Variants in PRELID2 observed in about 807,000 individuals in gnomAD.
The protein encoded by PRELID2 is PRELI domain containing 2, also known as PRELI domain-containing protein 2.
Under a neutral mutation model 28.4 loss-of-function variants are expected in PRELID2, and 25 were observed. The ratio of observed to expected loss-of-function variants is 0.88; its 90% CI spans 0.64 to 1.23. PRELID2 has a LOEUF of 1.23. Ranked by LOEUF, PRELID2 falls within the 50% of genes most tolerant of loss-of-function variation. PRELID2 has a pLI of 0.00. For missense variants in PRELID2, 201 were observed against 214.4 expected (o/e 0.94, Z 0.39); for synonymous variants, 76 against 71.6 (o/e 1.06, Z -0.31).
At chr5:145,585,890 C>G (rs1029586439) in intron 1 of PRELID2, among the ~76,000 whole-genome samples, 1 of 151,962 alleles carries the variant, frequency 6.6e-6, no homozygotes, top group Non-Finnish European at 1.5e-5. Flanking sequence ...ATGTGTGGAC[C>G]CCTCCTCTTT....
chr5:145,567,966 C>A (rs921218937), intron 1 of PRELID2, among the ~76,000 whole-genome samples: 1 of 152,154 alleles, frequency 6.6e-6, no homozygotes, highest in African/African-American at 2.4e-5. Flanking sequence ...GATATTTCAG[C>A]CTCTCATTTA....
the PRELID2 span, among the ~76,000 whole-genome samples, chr5:145,402,900 C>T: frequency 2.6e-5 from 4 of 152,088 alleles, no homozygotes; most frequent in African/African-American, 7.2e-5. Flanking sequence ...TTCAAAATGA[C>T]CTTGCTGAGC....
chr5:145,367,609 T>C, the PRELID2 span, among the ~76,000 whole-genome samples: 2 of 151,966 alleles, frequency 1.3e-5, no homozygotes, highest in Admixed American at 6.6e-5. Flanking sequence ...GTTCAGCCAA[T>C]GCATCCTCCT....
the PRELID2 span, among the ~76,000 whole-genome samples, chr5:145,383,026 C>T: frequency 2.0e-5 from 3 of 151,652 alleles, no homozygotes; most frequent in Non-Finnish European, 4.4e-5. Flanking sequence ...GATTGAAAGA[C>T]TCAACATTGT....
chr5:145,623,958 G>T (rs1432514058), intron 1 of PRELID2, among the ~76,000 whole-genome samples: 1 of 152,056 alleles, frequency 6.6e-6, no homozygotes, highest in Non-Finnish European at 1.5e-5. Flanking sequence ...GTACCAAGTT[G>T]TCGCCAGTAC....
the PRELID2 span, among the ~76,000 whole-genome samples, chr5:145,237,390 A>G: frequency 3.3e-5 from 5 of 152,242 alleles, no homozygotes; most frequent in East Asian, 9.7e-4. Context: ...GGATAGCTAT[A>G]TATGCCTATG....
chr5:145,771,439 CAGGA>C (rs1179190645), intron 5 of PRELID2, among the ~76,000 whole-genome samples: 2 of 151,752 alleles, frequency 1.3e-5, no homozygotes, highest in Non-Finnish European at 2.9e-5. Flanking sequence ...ATTAATGTTG[CAGGA>C]AGGAAGGACT....
chr5:145,392,834 T>G, the PRELID2 span, among the ~76,000 whole-genome samples: 9 of 152,148 alleles, frequency 5.9e-5, no homozygotes, highest in Non-Finnish European at 1.3e-4. Flanking sequence ...TATTTAAATA[T>G]TCTCCTTTCC....
intron 1 of PRELID2, among the ~76,000 whole-genome samples, chr5:145,692,395 C>A (rs1455401647): frequency 6.6e-6 from 1 of 152,070 alleles, no homozygotes; most frequent in Non-Finnish European, 1.5e-5. Context: ...CACATACCCC[C>A]TAGGCCTCAT....
chr5:145,704,161 G>T (rs960101068), intron 1 of PRELID2: 4 of 152,212 alleles, frequency 2.6e-5, no homozygotes, highest in African/African-American at 9.6e-5. Flanking sequence ...TAAGCGATGA[G>T]ATGCCAGCCC....
chr5:145,523,755 C>G (rs1009229460), intron 1 of PRELID2, among the ~76,000 whole-genome samples: 9 of 152,104 alleles, frequency 5.9e-5, no homozygotes, highest in South Asian at 2.1e-4. Context: ...CTTCCTCATA[C>G]CAATTTTGGG....
chr5:145,616,581 G>A (rs1414722887), intron 1 of PRELID2, among the ~76,000 whole-genome samples: 6 of 152,152 alleles, frequency 3.9e-5, no homozygotes, highest in East Asian at 1.9e-4. Context: ...CCCCCAAGCC[G>A]TAAAACCAGC....
At chr5:145,517,348 C>T (rs1243852912) in intron 1 of PRELID2, among the ~76,000 whole-genome samples, 1 of 152,072 alleles carries the variant, frequency 6.6e-6, no homozygotes, top group Non-Finnish European at 1.5e-5. Context: ...ACAGACACTT[C>T]TCGAAAGAAG....
chr5:145,265,743 T>C, the PRELID2 span, among the ~76,000 whole-genome samples: 2 of 152,124 alleles, frequency 1.3e-5, no homozygotes, highest in African/African-American at 4.8e-5. Flanking sequence ...GGTGCTGGGA[T>C]AATTGGCAAG....
At chr5:145,535,783 T>C (rs938857872) in intron 1 of PRELID2, among the ~76,000 whole-genome samples, 2 of 151,956 alleles carry the variant, frequency 1.3e-5, no homozygotes, top group African/African-American at 4.8e-5. Context: ...GTGTTTTAAG[T>C]CATTTATTCT....
chr5:145,447,439 C>CTT, the PRELID2 span, among the ~76,000 whole-genome samples: 1,570 of 136,488 alleles, frequency 0.012, 27 homozygotes, highest in African/African-American at 0.04. Flanking sequence ...GAAATCTTTT[C>CTT]TTTTTTTTTT....
intron 1 of PRELID2, among the ~76,000 whole-genome samples, chr5:145,510,224 T>C (rs973189328): frequency 6.6e-6 from 1 of 152,198 alleles, no homozygotes; most frequent in Non-Finnish European, 1.5e-5. Flanking sequence ...CCTATAGAAC[T>C]CCATGAACTT....
At chr5:145,633,682 A>T (rs569801986) in intron 1 of PRELID2, among the ~76,000 whole-genome samples, 17 of 152,256 alleles carry the variant, frequency 1.1e-4, no homozygotes, top group African/African-American at 3.9e-4. Flanking sequence ...GAAAAATTTC[A>T]CAAGTGCACT....
At chr5:145,389,968 A>T in the PRELID2 span, among the ~76,000 whole-genome samples, 1 of 152,388 alleles carries the variant, frequency 6.6e-6, no homozygotes, top group African/African-American at 2.4e-5. Context: ...ATATTCAACA[A>T]ACATTTACTG....
Sources: allele counts gnomAD v4.1 joint callset (sites outside exome capture counted in the v4.1 genomes callset), GRCh38; gene constraint gnomAD v4.1.1; transcripts MANE v1.5; gene names NCBI Gene and HGNC (gene_info 2026-07-23, HGNC 2026-07-21).